PHYHIPL: variants seen among roughly 807,000 people sequenced by gnomAD.
PHYHIPL encodes phytanoyl-CoA hydroxylase-interacting protein-like.
PHYHIPL carries 9 observed loss-of-function variants against 33.4 expected under a neutral mutation model. That is an observed-to-expected ratio of 0.27 (90% CI 0.16 to 0.47). The LOEUF is 0.47. Among genes scored for constraint, PHYHIPL ranks in the 20% least tolerant of loss-of-function variants. PHYHIPL has a pLI of 0.99. For missense variants in PHYHIPL, 365 were observed against 460.7 expected (o/e 0.79, Z 1.90); for synonymous variants, 153 against 154.1 (o/e 0.99, Z 0.05).
At chr10:59,218,712 CT>C (rs1319993104) in intron 1 of PHYHIPL, among the ~76,000 whole-genome samples, 1 of 128,516 alleles carries the variant, frequency 7.8e-6, no homozygotes, top group Non-Finnish European at 1.9e-5. Context: ...GAGGGACTCT[CT>C]TTAGAAAAAA....
At position 59,245,665 on chromosome 10, in the gene PHYHIPL, T is replaced by TC; in HGVS notation, c.*75dup. On this transcript the variant is annotated 3_prime_UTR_variant, in exon 5 of 5. Coordinates refer to ENST00000373880, the MANE Select transcript of PHYHIPL (RefSeq NM_032439.4). ...ATTGGTCCTCTGTTGTCCATTTTTA[T>TC]CACCAGATGTTTTCCACTGAAGCAT... 1 of 1,449,726 alleles carries TC rather than the reference T, an allele frequency of 6.9e-7. No homozygotes were observed. The highest frequency in any genetic ancestry group is 9.2e-7 in the Non-Finnish European group (1 of 1,081,960). 89.8% of individuals were successfully genotyped at this position (1,449,726 alleles called of 1,614,324 possible). A position where few individuals can be genotyped will look rare whatever the true frequency, so the allele number is the denominator to read the frequency against.
chr10:59,188,123 A>T (rs974968182), intron 1 of PHYHIPL, among the ~76,000 whole-genome samples: 2 of 152,112 alleles, frequency 1.3e-5, no homozygotes, highest in African/African-American at 4.8e-5. Context: ...ATTTCCCTCT[A>T]CACAATGCTT....
intron 1 of PHYHIPL, among the ~76,000 whole-genome samples, chr10:59,199,932 C>T (rs1053893873): frequency 6.6e-6 from 1 of 152,174 alleles, no homozygotes; most frequent in Non-Finnish European, 1.5e-5. Flanking sequence ...GCTGAAGTTG[C>T]TTATCAGCAT....
Position 59,245,663 on chromosome 10 carries a change from T to G in PHYHIPL, c.*72T>G. 3.4e-6 allele frequency: 5 copies of G among 1,453,652 alleles called. No individual in the cohort carries two copies. Among genetic ancestry groups the G allele is most frequent in the Non-Finnish European group, 4.6e-6 (5 of 1,084,798 alleles). 90.0% of individuals were successfully genotyped at this position (1,453,652 alleles called of 1,614,324 possible). A position where few individuals can be genotyped will look rare whatever the true frequency, so the allele number is the denominator to read the frequency against. On this transcript the variant is annotated 3_prime_UTR_variant, in exon 5 of 5. Transcript: ENST00000373880. Reference sequence around the variant, plus strand: ...GCATTGGTCCTCTGTTGTCCATTTTTATCACCAGATGTTTTCCACTGAAGC... The same window carrying G: ...GCATTGGTCCTCTGTTGTCCATTTTGATCACCAGATGTTTTCCACTGAAGC...
intron 1 of PHYHIPL, chr10:59,177,739 T>G (rs1385068972): frequency 2.5e-6 from 3 of 1,214,040 alleles, no homozygotes; most frequent in Non-Finnish European, 3.6e-6. Context: ...TAGTGCTGTG[T>G]GCGGTGTGGT....
chr10:59,207,777 G>A (rs918106393), intron 1 of PHYHIPL, among the ~76,000 whole-genome samples: 3 of 151,880 alleles, frequency 2.0e-5, no homozygotes, highest in African/African-American at 4.8e-5. Flanking sequence ...TGTAGTCCCA[G>A]CTACTTGGGA....
chr10:59,197,785 G>A (rs1838960234), intron 1 of PHYHIPL, among the ~76,000 whole-genome samples: 1 of 152,106 alleles, frequency 6.6e-6, no homozygotes, highest in African/African-American at 2.4e-5. Flanking sequence ...GTCTTAAAAT[G>A]TTGCTACCTG....
chr10:59,226,862 T>C (rs1030785152), intron 1 of PHYHIPL, among the ~76,000 whole-genome samples: 2 of 151,990 alleles, frequency 1.3e-5, no homozygotes, highest in African/African-American at 2.4e-5. Flanking sequence ...ATACCGTCCA[T>C]ATAGTGAAAG....
chr10:59,244,562 C>CA (rs71006239), intron 4 of PHYHIPL, among the ~76,000 whole-genome samples: 6,149 of 39,366 alleles, frequency 0.16, 1,119 homozygotes, highest in South Asian at 0.24. Context: ...GACTCTGTCT[C>CA]AAAAAAAAAA....
upstream of PHYHIPL, chr10:59,176,564 A>G (rs1377792739): frequency 1.4e-4 from 14 of 100,740 alleles, no homozygotes; most frequent in African/African-American, 1.8e-3. Context: ...CCTATACATC[A>G]CGTTCCCCGA....
At chr10:59,197,928 AG>A (rs1214710103) in intron 1 of PHYHIPL, among the ~76,000 whole-genome samples, 9 of 152,230 alleles carry the variant, frequency 5.9e-5, no homozygotes, top group African/African-American at 1.9e-4. Context: ...CCAGCTACTC[AG>A]GGTTGTGCTT....
intron 1 of PHYHIPL, among the ~76,000 whole-genome samples, chr10:59,216,970 C>G (rs2133250681): frequency 6.6e-6 from 1 of 152,220 alleles, no homozygotes; most frequent in Admixed American, 6.6e-5. Flanking sequence ...ACAAGTCAGT[C>G]ATACTTCTAA....
Position 59,220,500 on chromosome 10 carries a change from T to A in PHYHIPL, c.107-13804T>A, listed in dbSNP as rs1055056687. 2.6e-5 allele frequency among the ~76,000 whole-genome samples: 4 copies of A among 152,184 alleles called. No individual in the cohort carries two copies. In the East Asian group the frequency reaches 7.7e-4, roughly 29 times the overall value. ...TATATTTAATTTAATCATGAGGTAA[T>A]GGAAAATACTGCTAACTAATAATAA... On this transcript the variant is annotated intron_variant, in intron 1 of 4. Transcript: ENST00000373880.
At chr10:59,182,565 A>C (rs1003827496) in intron 1 of PHYHIPL, among the ~76,000 whole-genome samples, 4 of 151,410 alleles carry the variant, frequency 2.6e-5, no homozygotes, top group Admixed American at 1.3e-4. Context: ...CTGGTCTTGA[A>C]CTCCCGACCT....
Position 59,203,595 on chromosome 10 carries a change from T to G in PHYHIPL, c.106+26636T>G, listed in dbSNP as rs954019842. Among the ~76,000 whole-genome samples the G allele has an allele frequency of 9.7e-4, 148 of 152,126 alleles. 1 individual carries two copies. Among genetic ancestry groups the G allele is most frequent in the Admixed American group, 2.0e-3 (31 of 15,278 alleles). ...TGGAATACTATGCAGCCATAAAAAA[T>G]GATGAGTTCATGTCCTTTGTAGGGA... On this transcript the variant is annotated intron_variant, in intron 1 of 4. Transcript: ENST00000373880.
At chr10:59,177,400 A>G in intron 1 of PHYHIPL, 2 of 1,384,740 alleles carry the variant, frequency 1.4e-6, no homozygotes, top group Non-Finnish European at 1.9e-6. Context: ...GAAACTTATC[A>G]TTTTCTTTTT....
rs533649152 is a variant in PHYHIPL at position 59,221,243 on chromosome 10, T to C, written c.107-13061T>C. On this transcript the variant is annotated intron_variant, in intron 1 of 4. Coordinates refer to ENST00000373880, the MANE Select transcript of PHYHIPL (RefSeq NM_032439.4). ...GGCCTTTTCAACTTGATTTGCTGGA[T>C]AGTTTTAATATTCTTTGACTAGTGA... 5.8e-4 allele frequency among the ~76,000 whole-genome samples: 88 copies of C among 152,202 alleles called. 1 individual carries two copies. The South Asian group carries it at 0.01, about 18-fold the overall frequency.
intron 1 of PHYHIPL, among the ~76,000 whole-genome samples, chr10:59,232,547 C>T (rs188499543): frequency 1.1e-3 from 174 of 151,780 alleles, no homozygotes; most frequent in Middle Eastern, 0.01. Context: ...AAGAAGATAA[C>T]GATAGTGGAA....
At chr10:59,189,817 A>G (rs1008103089) in intron 1 of PHYHIPL, among the ~76,000 whole-genome samples, 1 of 151,996 alleles carries the variant, frequency 6.6e-6, no homozygotes, top group Non-Finnish European at 1.5e-5. Context: ...TGCCAGAAGA[A>G]AAAGTAGGAG....
Sources: allele counts gnomAD v4.1 joint callset (sites outside exome capture counted in the v4.1 genomes callset), GRCh38; gene constraint gnomAD v4.1.1; transcripts MANE v1.5; gene names NCBI Gene and HGNC (gene_info 2026-07-23, HGNC 2026-07-21).